KCNQ5: variants seen among roughly 807,000 people sequenced by gnomAD.
KCNQ5 encodes potassium voltage-gated channel subfamily Q member 5.
In KCNQ5, 30 loss-of-function variants were observed where a neutral mutation model predicts 98.2. The observed-to-expected ratio is 0.31, with a 90% CI of 0.23 to 0.41. KCNQ5 has a LOEUF of 0.41. KCNQ5 is among the 10% of genes least tolerant of loss of function. The probability of loss-of-function intolerance (pLI) is 1.00; values close to 1 mark genes in which losing one functional copy is unlikely to be tolerated. For missense variants in KCNQ5, 835 were observed against 1,182.5 expected, an observed-to-expected ratio of 0.71 and a Z score of 4.31; for synonymous variants, 458 against 449.4, an observed-to-expected ratio of 1.02 and a Z score of -0.24.
intron 1 of KCNQ5, among the ~76,000 whole-genome samples, chr6:72,901,944 G>A (rs1044081771): frequency 1.3e-5 from 2 of 152,102 alleles, no homozygotes; most frequent in African/African-American, 4.8e-5. Flanking sequence ...TAGCAGTATG[G>A]TTGTTTTCAC....
intron 2 of KCNQ5, among the ~76,000 whole-genome samples, chr6:73,037,469 T>C (rs1771489432): frequency 6.6e-6 from 1 of 152,234 alleles, no homozygotes; most frequent in Non-Finnish European, 1.5e-5. Flanking sequence ...ATCTCCATTT[T>C]TTTCCTAAAA....
chr6:72,846,741 T>G (rs1777039687), intron 1 of KCNQ5, among the ~76,000 whole-genome samples: 1 of 152,224 alleles, frequency 6.6e-6, no homozygotes, highest in African/African-American at 2.4e-5. Flanking sequence ...GAATGACATT[T>G]GGCTGTTAAA....
At chr6:72,977,713 G>T (rs560256498) in intron 1 of KCNQ5, among the ~76,000 whole-genome samples, 1 of 151,964 alleles carries the variant, frequency 6.6e-6, no homozygotes, top group African/African-American at 2.4e-5. Flanking sequence ...AACTCTCCCC[G>T]CTTCTGCATC....
intron 1 of KCNQ5, among the ~76,000 whole-genome samples, chr6:72,734,159 G>A (rs1310546423): frequency 6.6e-6 from 1 of 152,116 alleles, no homozygotes; most frequent in Admixed American, 6.5e-5. Flanking sequence ...AGTGAGAAGC[G>A]AGCTGTAACT....
intron 11 of KCNQ5, among the ~76,000 whole-genome samples, chr6:73,177,358 G>T (rs566038561): frequency 6.6e-6 from 1 of 152,318 alleles, no homozygotes; most frequent in South Asian, 2.1e-4. Context: ...GCTCAGATCT[G>T]ATCAGTGAAC....
rs947479508 is a variant in KCNQ5 at position 72,869,789 on chromosome 6, G to A, written c.399-134119G>A. ...CCTTCCTTCAGGATATTCCCCACAG[G>A]GGGAGCGAGGCCCAGTGTCGGGTCA... On this transcript the variant is annotated intron_variant, in intron 1 of 13. Coordinates refer to ENST00000370398, the MANE Select transcript of KCNQ5 (RefSeq NM_019842.4). Among the ~76,000 whole-genome samples the A allele has an allele frequency of 3.3e-5, 5 of 152,326 alleles. No homozygotes were observed. In the South Asian group the frequency reaches 8.3e-4, roughly 25 times the overall value.
At chr6:73,072,580 T>C (rs1773345544) in intron 3 of KCNQ5, among the ~76,000 whole-genome samples, 1 of 152,202 alleles carries the variant, frequency 6.6e-6, no homozygotes, top group Admixed American at 6.5e-5. Context: ...TTGATTTTGC[T>C]GACTAAATAA....
intron 1 of KCNQ5, among the ~76,000 whole-genome samples, chr6:72,740,177 C>T (rs1184825261): frequency 1.3e-5 from 2 of 152,136 alleles, no homozygotes; most frequent in Non-Finnish European, 2.9e-5. Context: ...GTCATTTTTT[C>T]AACTATCTTC....
chr6:72,877,752 G>A (rs921087208), intron 1 of KCNQ5, among the ~76,000 whole-genome samples: 1 of 152,090 alleles, frequency 6.6e-6, no homozygotes, highest in Non-Finnish European at 1.5e-5. Flanking sequence ...TTTAATGATT[G>A]CCATTCTAAC....
chr6:72,680,276 A>C (rs1767640132), intron 1 of KCNQ5, among the ~76,000 whole-genome samples: 2 of 152,220 alleles, frequency 1.3e-5, no homozygotes, highest in Non-Finnish European at 2.9e-5. Flanking sequence ...GTATAAATGG[A>C]ATCATGTAAT....
chr6:72,691,190 T>A (rs1765142823), intron 1 of KCNQ5, among the ~76,000 whole-genome samples: 1 of 152,206 alleles, frequency 6.6e-6, no homozygotes, highest in Admixed American at 6.5e-5. Context: ...ATTAGACTTG[T>A]GTTAATTATG....
At chr6:72,758,427 C>T (rs1309880257) in intron 1 of KCNQ5, among the ~76,000 whole-genome samples, 2 of 151,946 alleles carry the variant, frequency 1.3e-5, no homozygotes, top group African/African-American at 2.4e-5. Flanking sequence ...TTTAGTAATT[C>T]ATGTGAAAAA....
intron 3 of KCNQ5, among the ~76,000 whole-genome samples, chr6:73,054,437 A>C (rs1477527734): frequency 1.3e-5 from 2 of 152,200 alleles, no homozygotes; most frequent in Admixed American, 1.3e-4. Flanking sequence ...AGATGCAAAA[A>C]TTCTCAATAA....
At chr6:72,862,501 A>AT (rs926741853) in intron 1 of KCNQ5, among the ~76,000 whole-genome samples, 2 of 152,048 alleles carry the variant, frequency 1.3e-5, no homozygotes, top group Non-Finnish European at 2.9e-5. Context: ...CTTTCAAAAG[A>AT]TTTTTTCTAA....
At chr6:73,087,916 C>T (rs1774056934) in intron 5 of KCNQ5, among the ~76,000 whole-genome samples, 1 of 152,102 alleles carries the variant, frequency 6.6e-6, no homozygotes, top group Non-Finnish European at 1.5e-5. Context: ...GTGGCATGAC[C>T]AGAGCAACCA....
chr6:72,657,685 G>A (rs1766266451), intron 1 of KCNQ5, among the ~76,000 whole-genome samples: 1 of 152,154 alleles, frequency 6.6e-6, no homozygotes. Context: ...TAAAGCCTTT[G>A]TAGATAGAAA....
chr6:73,145,909 G>A (rs532837047), intron 10 of KCNQ5, among the ~76,000 whole-genome samples: 5 of 152,292 alleles, frequency 3.3e-5, no homozygotes, highest in African/African-American at 1.2e-4. Flanking sequence ...GTGTCTTTAC[G>A]TGGTAGCAGA....
chr6:72,813,439 C>T (rs754744669), intron 1 of KCNQ5, among the ~76,000 whole-genome samples: 5 of 152,164 alleles, frequency 3.3e-5, no homozygotes, highest in Admixed American at 6.5e-5. Flanking sequence ...AGCTTTCCAT[C>T]AGTTTGTTAG....
intron 1 of KCNQ5, among the ~76,000 whole-genome samples, chr6:72,731,731 G>A (rs565823456): frequency 6.6e-6 from 1 of 152,308 alleles, no homozygotes; most frequent in South Asian, 2.1e-4. Flanking sequence ...TCCTCCTTAA[G>A]TGTACAAGAG....
Sources: gnomAD v4.1 joint callset for allele counts (sites outside exome capture counted in the v4.1 genomes callset) on GRCh38, gnomAD v4.1.1 for gene constraint, MANE v1.5 for transcripts, NCBI Gene and HGNC (gene_info 2026-07-23, HGNC 2026-07-21) for gene names.